The following EBF1 variants were observed in gnomAD, a reference collection of about 807,000 sequenced individuals.
EBF1 encodes transcription factor COE1.
EBF1 carries 10 observed loss-of-function variants against 68.4 expected under a neutral mutation model. The ratio of observed to expected loss-of-function variants is 0.15; its 90% CI spans 0.09 to 0.25. The LOEUF is 0.25. Among genes scored for constraint, EBF1 ranks in the 10% least tolerant of loss-of-function variants. EBF1 has a pLI of 1.00. For missense variants in EBF1, 509 were observed against 794.4 expected (o/e 0.64, Z 4.32); for synonymous variants, 298 against 299.8 (o/e 0.99, Z 0.06).
chr5:158,904,323 T>TCCCAG (rs1320258019), intron 6 of EBF1, among the ~76,000 whole-genome samples: 1 of 152,190 alleles, frequency 6.6e-6, no homozygotes, highest in Non-Finnish European at 1.5e-5. Context: ...GACAGCAAGT[T>TCCCAG]CCCAGCCACG....
rs955169455 is a variant in EBF1, at chr5:158,695,949, A to C, written c.*3162T>G. The C allele has an allele frequency of 9.7e-5, 18 of 185,842 alleles. No homozygotes were observed. Among genetic ancestry groups the C allele is most frequent in the African/African-American group, 2.1e-4 (9 of 42,474 alleles). 11.5% of individuals were successfully genotyped at this position (185,842 alleles called of 1,614,324 possible). A position where few individuals can be genotyped will look rare whatever the true frequency, so the allele number is the denominator to read the frequency against. On this transcript the variant is annotated 3_prime_UTR_variant, in exon 16 of 16. Transcript: ENST00000313708. ...AGACAGGAAGTAACTTTAATTAAAT[A>C]TTGTGAAAGTTGAAAAGTTTTTACA...
chr5:158,875,220 CAG>C (rs1303862698), intron 6 of EBF1, among the ~76,000 whole-genome samples: 1 of 152,090 alleles, frequency 6.6e-6, no homozygotes, highest in Non-Finnish European at 1.5e-5. Context: ...AAAATCCAAA[CAG>C]AGGAATGAAG....
At chr5:159,030,122 C>CAT (rs547512166) in intron 6 of EBF1, among the ~76,000 whole-genome samples, 2,012 of 150,988 alleles carry the variant, frequency 0.013, 31 homozygotes, top group African/African-American at 0.046. Context: ...CTTTGTTTTA[C>CAT]ATATATATAT....
intron 6 of EBF1, among the ~76,000 whole-genome samples, chr5:159,048,389 G>C (rs1239932568): frequency 6.6e-6 from 1 of 152,124 alleles, no homozygotes; most frequent in Admixed American, 6.5e-5. Flanking sequence ...ACCACAACCT[G>C]CTATGTCGTG....
At chr5:159,047,342 T>G (rs932868161) in intron 6 of EBF1, among the ~76,000 whole-genome samples, 4 of 152,194 alleles carry the variant, frequency 2.6e-5, no homozygotes, top group African/African-American at 9.7e-5. Context: ...GGCTACAGAA[T>G]GTCGTGATCA....
chr5:159,035,234 C>T (rs1395709014), intron 6 of EBF1, among the ~76,000 whole-genome samples: 1 of 151,932 alleles, frequency 6.6e-6, no homozygotes, highest in Non-Finnish European at 1.5e-5. Context: ...TGACTGAAAG[C>T]TTACAAGAAG....
At chr5:158,819,614 A>G (rs1582190978) in intron 8 of EBF1, among the ~76,000 whole-genome samples, 1 of 152,232 alleles carries the variant, frequency 6.6e-6, no homozygotes, top group East Asian at 1.9e-4. Context: ...AGACAAGGCA[A>G]GTACACAGGG....
chr5:158,950,840 G>A (rs1815801573), intron 6 of EBF1, among the ~76,000 whole-genome samples: 1 of 152,176 alleles, frequency 6.6e-6, no homozygotes, highest in Non-Finnish European at 1.5e-5. Flanking sequence ...TTCCAAAGTA[G>A]GAAACTTCCA....
chr5:158,824,857 G>A (rs907522381), intron 7 of EBF1, among the ~76,000 whole-genome samples: 2 of 152,200 alleles, frequency 1.3e-5, no homozygotes, highest in African/African-American at 4.8e-5. Flanking sequence ...AAAATACGAT[G>A]AATTTCCTTT....
At chr5:159,092,735 A>G (rs1194497401) in intron 4 of EBF1, among the ~76,000 whole-genome samples, 1 of 152,222 alleles carries the variant, frequency 6.6e-6, no homozygotes, top group Non-Finnish European at 1.5e-5. Context: ...TGATAGGAAA[A>G]ATGTTATAAT....
At chr5:158,959,718 G>A (rs922403262) in intron 6 of EBF1, among the ~76,000 whole-genome samples, 10 of 152,072 alleles carry the variant, frequency 6.6e-5, no homozygotes, top group African/African-American at 2.4e-4. Context: ...TAGTAGAGAT[G>A]TCAACTTCCC....
intron 6 of EBF1, among the ~76,000 whole-genome samples, chr5:159,033,607 T>C (rs770754418): frequency 2.0e-5 from 3 of 152,198 alleles, no homozygotes; most frequent in Non-Finnish European, 4.4e-5. Context: ...TAATTAGATT[T>C]GAATGTCATG....
At chr5:158,838,461 AC>A (rs1158009861) in intron 7 of EBF1, among the ~76,000 whole-genome samples, 1 of 150,210 alleles carries the variant, frequency 6.7e-6, no homozygotes, top group African/African-American at 2.4e-5. Context: ...AAAAAAAAAA[AC>A]GAAAGAAAAG....
At position 159,014,462 on chromosome 5, in the gene EBF1, A is replaced by G. The variant is rs548268415; in HGVS notation, c.554+58934T>C. On this transcript the variant is annotated intron_variant, in intron 6 of 15. Coordinates refer to ENST00000313708, the MANE Select transcript of EBF1 (RefSeq NM_024007.5). ...TCACTTACTCCTCATGACACCCCTA[A>G]CTAGAGTTATCCTAACTCCAGGAGT... is the stretch of plus-strand genomic sequence containing the variant. 7.9e-5 allele frequency among the ~76,000 whole-genome samples: 12 copies of G among 152,280 alleles called. No homozygotes were observed. In the South Asian group the frequency reaches 2.5e-3, roughly 32 times the overall value.
intron 6 of EBF1, among the ~76,000 whole-genome samples, chr5:159,027,814 G>A (rs189023433): frequency 6.6e-5 from 10 of 152,310 alleles, no homozygotes; most frequent in Admixed American, 5.2e-4. Context: ...TCACTCAGCA[G>A]GGTAGGCCAC....
At chr5:158,916,233 C>A (rs1807166331) in intron 6 of EBF1, among the ~76,000 whole-genome samples, 1 of 152,106 alleles carries the variant, frequency 6.6e-6, no homozygotes, top group Non-Finnish European at 1.5e-5. Context: ...TGTGGCAGGA[C>A]AAGTGACCCT....
chr5:158,891,632 G>T (rs1039818186), intron 6 of EBF1, among the ~76,000 whole-genome samples: 1 of 152,042 alleles, frequency 6.6e-6, no homozygotes, highest in African/African-American at 2.4e-5. Context: ...GTGTGTGTGT[G>T]TATGTCTATG....
intron 6 of EBF1, among the ~76,000 whole-genome samples, chr5:158,859,338 T>A (rs750260997): frequency 2.2e-4 from 33 of 152,292 alleles, no homozygotes; most frequent in Non-Finnish European, 4.0e-4. Flanking sequence ...AGACCCCCTA[T>A]CCTTCCAGGT....
At chr5:158,838,065 C>T (rs535190885) in intron 7 of EBF1, among the ~76,000 whole-genome samples, 4 of 152,138 alleles carry the variant, frequency 2.6e-5, no homozygotes, top group Non-Finnish European at 4.4e-5. Context: ...TTGACTCAAA[C>T]ATAACACAAA....
Sources: gnomAD v4.1 joint callset for allele counts (sites outside exome capture counted in the v4.1 genomes callset) on GRCh38, gnomAD v4.1.1 for gene constraint, MANE v1.5 for transcripts, NCBI Gene and HGNC (gene_info 2026-07-23, HGNC 2026-07-21) for gene names.